Variants in OSBPL10 observed in about 807,000 individuals in gnomAD.
OSBPL10 encodes the protein oxysterol-binding protein-related protein 10.
Under a neutral mutation model 81.7 loss-of-function variants are expected in OSBPL10, and 49 were observed. That is an observed-to-expected ratio of 0.60 (90% CI 0.48 to 0.76). The LOEUF is 0.76. OSBPL10 is among the 30% of genes least tolerant of loss of function. The pLI is 0.00. For missense variants in OSBPL10, 923 were observed against 987.8 expected (o/e 0.93, Z 0.88); for synonymous variants, 419 against 383.6 (o/e 1.09, Z -1.08).
At chr3:31,904,145 C>T (rs1356496931) in intron 1 of OSBPL10, among the ~76,000 whole-genome samples, 2 of 152,214 alleles carry the variant, frequency 1.3e-5, no homozygotes, top group African/African-American at 4.8e-5. Flanking sequence ...GGCTCCCTCC[C>T]TCTCCCCTGC....
At chr3:31,896,484 G>C (rs1030124189) in intron 1 of OSBPL10, among the ~76,000 whole-genome samples, 3 of 152,194 alleles carry the variant, frequency 2.0e-5, no homozygotes, top group Non-Finnish European at 4.4e-5. Flanking sequence ...TCCCTCCTTG[G>C]AATCCAGTTG....
intron 3 of OSBPL10, among the ~76,000 whole-genome samples, chr3:31,841,547 A>G (rs1021533581): frequency 3.3e-5 from 5 of 152,200 alleles, no homozygotes; most frequent in African/African-American, 1.2e-4. Context: ...AAATGAGAAG[A>G]TATTTGTGTT....
chr3:31,899,452 A>G (rs886837832), intron 1 of OSBPL10, among the ~76,000 whole-genome samples: 6 of 152,236 alleles, frequency 3.9e-5, no homozygotes, highest in Non-Finnish European at 8.8e-5. Flanking sequence ...CAGTGGTTAC[A>G]ATGGCACAAA....
At chr3:32,019,209 G>T (rs1206160491) in intron 2 of OSBPL10, among the ~76,000 whole-genome samples, 1 of 152,080 alleles carries the variant, frequency 6.6e-6, no homozygotes, top group East Asian at 1.9e-4. Flanking sequence ...ACAAGGGAGT[G>T]GGGGTGATGT....
At chr3:31,949,101 T>C (rs1454538843) in intron 1 of OSBPL10, among the ~76,000 whole-genome samples, 1 of 152,222 alleles carries the variant, frequency 6.6e-6, no homozygotes, top group Non-Finnish European at 1.5e-5. Context: ...ATCAAGCTTC[T>C]AACAATACTA....
At chr3:31,861,347 T>C (rs945084638) in intron 3 of OSBPL10, among the ~76,000 whole-genome samples, 4 of 152,222 alleles carry the variant, frequency 2.6e-5, no homozygotes, top group African/African-American at 9.6e-5. Context: ...TATATTCCCC[T>C]GTAAATCACC....
At chr3:31,676,174 C>T (rs975547549) in intron 8 of OSBPL10, among the ~76,000 whole-genome samples, 6 of 152,030 alleles carry the variant, frequency 3.9e-5, no homozygotes, top group African/African-American at 1.2e-4. Flanking sequence ...AAGGCACTGG[C>T]AAGACCACAT....
At position 31,863,981 on chromosome 3, in the gene OSBPL10, C is replaced by T. The variant is rs116267994; in HGVS notation, c.537+12452G>A. Among the ~76,000 whole-genome samples, 1,215 of 152,210 alleles carry T rather than the reference C, an allele frequency of 8.0e-3. 9 individuals are homozygous for T. The highest frequency in any genetic ancestry group is 0.027 in the African/African-American group (1,121 of 41,528). Reference sequence around the variant, plus strand: ...AAGGAGAAGAAGAAGGAAGAAGCAGCGTTGATATTTGCTGAGTATTGAACA... The same window carrying T: ...AAGGAGAAGAAGAAGGAAGAAGCAGTGTTGATATTTGCTGAGTATTGAACA... On this transcript the variant is annotated intron_variant, in intron 3 of 11. Coordinates refer to ENST00000396556, the MANE Select transcript of OSBPL10 (RefSeq NM_017784.5).
chr3:31,941,058 T>G (rs1349379015), intron 1 of OSBPL10, among the ~76,000 whole-genome samples: 2 of 152,178 alleles, frequency 1.3e-5, no homozygotes, highest in Non-Finnish European at 2.9e-5. Context: ...GAATGGTAAA[T>G]GTACTCAACG....
At chr3:31,665,064 GAAAA>G (rs1265445948) in intron 10 of OSBPL10, among the ~76,000 whole-genome samples, 1 of 150,194 alleles carries the variant, frequency 6.7e-6, no homozygotes, top group Non-Finnish European at 1.5e-5. Flanking sequence ...TGACTACTTG[GAAAA>G]AAAAAGCACT....
At chr3:31,697,381 TA>T (rs1200840969) in intron 7 of OSBPL10, among the ~76,000 whole-genome samples, 1 of 67,806 alleles carries the variant, frequency 1.5e-5, no homozygotes, top group Non-Finnish European at 3.3e-5. Flanking sequence ...TAACCATGAA[TA>T]AAAAAAATTG....
At chr3:31,802,743 G>A (rs1344584367) in intron 4 of OSBPL10, among the ~76,000 whole-genome samples, 1 of 151,914 alleles carries the variant, frequency 6.6e-6, no homozygotes, top group African/African-American at 2.4e-5. Flanking sequence ...CCTGCAAACG[G>A]ATCCTGAATA....
At chr3:31,807,350 G>A (rs1225902781) in intron 4 of OSBPL10, among the ~76,000 whole-genome samples, 3 of 151,366 alleles carry the variant, frequency 2.0e-5, no homozygotes, top group Non-Finnish European at 4.4e-5. Flanking sequence ...TCCAGCCTGG[G>A]CGACAGAGCA....
intron 1 of OSBPL10, among the ~76,000 whole-genome samples, chr3:31,889,199 G>A (rs565141279): frequency 6.6e-6 from 1 of 152,152 alleles, no homozygotes; most frequent in Non-Finnish European, 1.5e-5. Flanking sequence ...TACACTATTG[G>A]TGGGAACGTA....
At chr3:31,727,479 A>C (rs1696844841) in intron 6 of OSBPL10, among the ~76,000 whole-genome samples, 1 of 152,196 alleles carries the variant, frequency 6.6e-6, no homozygotes, top group Non-Finnish European at 1.5e-5. Context: ...GTGGGGAAGG[A>C]TAATCCTATC....
At chr3:31,857,999 G>T (rs1369771669) in intron 3 of OSBPL10, among the ~76,000 whole-genome samples, 1 of 139,724 alleles carries the variant, frequency 7.2e-6, no homozygotes, top group Non-Finnish European at 1.6e-5. Flanking sequence ...CACAGCCTGT[G>T]TTTTTTTTTT....
intron 1 of OSBPL10, among the ~76,000 whole-genome samples, chr3:31,961,386 T>A (rs1228536090): frequency 6.6e-6 from 1 of 152,150 alleles, no homozygotes; most frequent in Non-Finnish European, 1.5e-5. Flanking sequence ...TCTGATTTTA[T>A]TTTAGTAGAC....
At chr3:31,664,266 C>A in intron 10 of OSBPL10, 34 bp from the exon 11 acceptor site, 1 of 1,606,582 alleles carries the variant, frequency 6.2e-7, no homozygotes. Flanking sequence ...AACAATCAGC[C>A]AGGCCAGCTG....
At chr3:31,684,732 A>C (rs536753562) in intron 7 of OSBPL10, among the ~76,000 whole-genome samples, 8 of 152,362 alleles carry the variant, frequency 5.3e-5, no homozygotes, top group African/African-American at 1.7e-4. Context: ...ATCAGCAGGC[A>C]AATATCCACA....
Sources: gnomAD v4.1 joint callset for allele counts (sites outside exome capture counted in the v4.1 genomes callset) on GRCh38, gnomAD v4.1.1 for gene constraint, MANE v1.5 for transcripts, NCBI Gene and HGNC (gene_info 2026-07-23, HGNC 2026-07-21) for gene names.